HERC2: variants seen among roughly 807,000 people sequenced by gnomAD.
HERC2 encodes the protein HECT and RLD domain containing E3 ubiquitin protein ligase 2.
Under a neutral mutation model 537.7 loss-of-function variants are expected in HERC2, and 102 were observed. The observed-to-expected ratio is 0.19, with a 90% CI of 0.16 to 0.22. The LOEUF (loss-of-function observed/expected upper bound fraction) is 0.22, where lower values mean the gene tolerates loss of function less well. Ranked by LOEUF, HERC2 falls within the 10% of genes least tolerant of loss-of-function variation. The pLI is 1.00. For missense variants in HERC2, 4,236 were observed against 6,198.2 expected, an observed-to-expected ratio of 0.68 and a Z score of 10.63; for synonymous variants, 2,224 against 2,466.2, an observed-to-expected ratio of 0.90 and a Z score of 2.91.
At chr15:28,315,646 T>G (rs925953865) in intron 2 of HERC2, 1 of 610,878 alleles carries the variant, frequency 1.6e-6, no homozygotes, top group Non-Finnish European at 3.0e-6. Flanking sequence ...TATAAAAAAT[T>G]ATCTGGCTCT....
intron 2 of HERC2, among the ~76,000 whole-genome samples, chr15:28,318,383 T>C (rs1022424803): frequency 6.6e-6 from 1 of 152,094 alleles, no homozygotes; most frequent in African/African-American, 2.4e-5. Flanking sequence ...TCCCAGCACT[T>C]CCGGAGGCCG....
At chr15:28,241,718 G>C (rs1903143418) in intron 23 of HERC2, among the ~76,000 whole-genome samples, 1 of 152,148 alleles carries the variant, frequency 6.6e-6, no homozygotes, top group African/African-American at 2.4e-5. Flanking sequence ...TACTCAGGGG[G>C]CTGAGGCAGG....
In HERC2 at chr15:28,132,132, C is replaced by G. The variant is rs769470172; in HGVS notation, c.12538G>C (p.Gly4180Arg). 1 of 1,612,378 alleles carries G rather than the reference C, an allele frequency of 6.2e-7. No individual in the cohort carries two copies. Among genetic ancestry groups the G allele is most frequent in the Non-Finnish European group, 8.5e-7 (1 of 1,178,868 alleles). Residue 4180 changes from glycine to arginine, a missense_variant, in exon 81 of 93, where the codon GGA (glycine) becomes CGA (arginine). Gly to Arg is a moderately radical substitution (Grantham distance 125). Coordinates refer to ENST00000261609, the MANE Select transcript of HERC2 (RefSeq NM_004667.6). ...GDGDYGKLGR[G>R]GSDGCKVPMK... ...GGCACTTTACAGCCATCGCTGCCTC[C>G]CCGGCCGAGCTTGCCGTAGTCCCCG...
chr15:28,178,052 A>G (rs1332263968), intron 59 of HERC2, among the ~76,000 whole-genome samples: 5 of 152,142 alleles, frequency 3.3e-5, no homozygotes, highest in African/African-American at 1.2e-4. Flanking sequence ...GTTCCTGCCA[A>G]CTCCTGGGCT....
intron 37 of HERC2, 51 bp from the exon 38 acceptor site, chr15:28,218,722 G>A (rs1900196093): frequency 2.1e-6 from 3 of 1,410,846 alleles, no homozygotes; most frequent in Non-Finnish European, 3.0e-6. Flanking sequence ...AAAACTGGAA[G>A]ATAGTCCTGC....
At chr15:28,319,538 T>C (rs1459957846) in intron 2 of HERC2, among the ~76,000 whole-genome samples, 1 of 145,274 alleles carries the variant, frequency 6.9e-6, no homozygotes, top group African/African-American at 2.6e-5. Context: ...TGAGCCAAGA[T>C]TGCGCCACTG....
In HERC2 at chr15:28,220,699, T is replaced by G; in HGVS notation, c.5653-55A>C. 8 of 1,432,430 alleles carry G rather than the reference T, an allele frequency of 5.6e-6. No homozygotes were observed. The South Asian group carries it at 9.2e-5, about 17-fold the overall frequency. The allele number at this position is 1,432,430 out of a possible 1,614,324, so 88.7% of individuals were successfully genotyped here. ...GAGGGTGCGTAACCTGCCCTGGTCCTTCCATGGCTCCCAGCAGACCTCAGT... is the reference window on the plus strand; with the variant it reads ...GAGGGTGCGTAACCTGCCCTGGTCCGTCCATGGCTCCCAGCAGACCTCAGT... On this transcript the variant is annotated intron_variant, in intron 36 of 92. Coordinates refer to ENST00000261609, the MANE Select transcript of HERC2 (RefSeq NM_004667.6).
At chr15:28,215,310 C>A (rs1899775853) in intron 39 of HERC2, among the ~76,000 whole-genome samples, 1 of 152,200 alleles carries the variant, frequency 6.6e-6, no homozygotes. Flanking sequence ...AGCAACATTA[C>A]AGATGCATGT....
chr15:28,306,501 A>G (rs1044999135), intron 2 of HERC2, among the ~76,000 whole-genome samples: 5 of 152,200 alleles, frequency 3.3e-5, no homozygotes, highest in Non-Finnish European at 7.3e-5. Flanking sequence ...TTCCGCATCA[A>G]TGTTCATCTG....
At chr15:28,181,896 C>G (rs1895857606) in intron 57 of HERC2, among the ~76,000 whole-genome samples, 1 of 152,228 alleles carries the variant, frequency 6.6e-6, no homozygotes, top group African/African-American at 2.4e-5. Flanking sequence ...CCACCCACAA[C>G]AAGCCCTGCA....
chr15:28,117,232 G>T, intron 86 of HERC2, 78 bp from the exon 87 acceptor site: 1 of 1,411,244 alleles, frequency 7.1e-7, no homozygotes, highest in Non-Finnish European at 1.0e-6. Flanking sequence ...CGGCACTGGC[G>T]AATGCACGAG....
At position 28,168,380 on chromosome 15, in the gene HERC2, C is replaced by A. The variant is rs540488488; in HGVS notation, c.10413+27G>T. The A allele has an allele frequency of 2.5e-6, 4 of 1,605,564 alleles. No individual in the cohort carries two copies. In the South Asian group the frequency reaches 4.4e-5, roughly 18 times the overall value. On this transcript the variant is annotated intron_variant, in intron 67 of 92. Transcript: ENST00000261609. ...AAGTAGCCACCTTTTCCTTTCTGAT[C>A]TAACATTGCTTTAGATTCGCTTTTA...
At chr15:28,304,879 CCA>C (rs2076740973) in intron 2 of HERC2, among the ~76,000 whole-genome samples, 1 of 130,178 alleles carries the variant, frequency 7.7e-6, no homozygotes, top group Non-Finnish European at 1.7e-5. Context: ...CCCCACCCCA[CCA>C]CAGTCCCCAG....
At chr15:28,175,724 C>A in intron 63 of HERC2, 68 bp from the exon 64 acceptor site, 1 of 1,491,066 alleles carries the variant, frequency 6.7e-7, no homozygotes. Context: ...CAAGAAGACA[C>A]TCATTGTCTC....
rs576809530 is a variant in HERC2, at chr15:28,176,021, A to C, written c.9687-365T>G. Among the ~76,000 whole-genome samples, 1 of 152,294 alleles carries C rather than the reference A, an allele frequency of 6.6e-6. No individual in the cohort carries two copies. Among genetic ancestry groups the C allele is most frequent in the Admixed American group, 6.5e-5 (1 of 15,294 alleles). The stretch of plus-strand genomic sequence containing the variant: ...CATTGGCACTAAGGCCTGACACACC[A>C]TCCACAGCCAGTCCAGGCACCTGCT... On this transcript the variant is annotated intron_variant, in intron 63 of 92. Transcript: ENST00000261609. This position sits in a 1 kb window ranked among gnomAD's most constrained non-coding sequence, Gnocchi z 5.0.
At chr15:28,211,962 C>G (rs536998935) in intron 43 of HERC2, among the ~76,000 whole-genome samples, 1 of 152,288 alleles carries the variant, frequency 6.6e-6, no homozygotes, top group South Asian at 2.1e-4. Context: ...GAAACAAACT[C>G]AGGAGAGCCG....
chr15:28,228,815 C>T (rs76228202), intron 34 of HERC2, among the ~76,000 whole-genome samples: 10,585 of 152,294 alleles, frequency 0.07, 896 homozygotes, highest in East Asian at 0.42. Context: ...TACTCTGGTG[C>T]CCTATTCCAT....
chr15:28,121,285 G>A (rs945697994), intron 86 of HERC2, 61 bp downstream of exon 86: 2 of 1,464,940 alleles, frequency 1.4e-6, no homozygotes, highest in Non-Finnish European at 1.9e-6. Context: ...CCCAGCCCAG[G>A]TACCCACGAA....
chr15:28,209,499 A>G (rs1347640880), intron 44 of HERC2, among the ~76,000 whole-genome samples: 1 of 151,926 alleles, frequency 6.6e-6, no homozygotes, highest in Non-Finnish European at 1.5e-5. Flanking sequence ...ACCTGCCACC[A>G]CGCCCAGCTA....
Sources: gnomAD v4.1 joint callset for allele counts (sites outside exome capture counted in the v4.1 genomes callset) on GRCh38, gnomAD v4.1.1 for gene constraint, Gnocchi (gnomAD v3.1) non-coding constraint, MANE v1.5 for transcripts, NCBI Gene and HGNC (gene_info 2026-07-23, HGNC 2026-07-21) for gene names.